Variants in KEAP1 observed in about 807,000 individuals in gnomAD.
KEAP1 encodes the protein kelch like ECH associated protein 1.
Under a neutral mutation model 59.7 loss-of-function variants are expected in KEAP1, and 26 were observed. That is an observed-to-expected ratio of 0.44 (90% confidence interval 0.32 to 0.60). KEAP1 has a LOEUF of 0.60. Ranked by LOEUF, KEAP1 falls within the 20% of genes least tolerant of loss-of-function variation. The pLI is 0.06. For missense variants in KEAP1, 539 were observed against 871.4 expected, an observed-to-expected ratio of 0.62 and a Z score of 4.80; for synonymous variants, 350 against 358.3, an observed-to-expected ratio of 0.98 and a Z score of 0.26.
intron 5 of KEAP1, among the ~76,000 whole-genome samples, chr19:10,487,986 G>A (rs976841516): frequency 6.6e-6 from 1 of 152,064 alleles, no homozygotes; most frequent in East Asian, 1.9e-4. Context: ...AAATTAGCCG[G>A]GCGTGGTGGC....
chr19:10,491,709 G>A lies in KEAP1; in HGVS notation c.1193C>T (p.Pro398Leu). ...TDSSALDCYNPMTNQWSPCAP... is the reference protein window; with the variant it reads ...TDSSALDCYNLMTNQWSPCAP... ...GCAGGGCGACCACTGATTGGTCATG[G>A]GGTTGTAACAGTCCAGGGCGCTGGA... The change falls in exon 3 of 6, where the codon CCC becomes CTC. Residue 398 changes from proline to leucine, a missense_variant. Pro to Leu is a moderately conservative substitution (Grantham distance 98). Coordinates refer to ENST00000171111, the MANE Select transcript of KEAP1 (RefSeq NM_203500.2). This position sits in a 1 kb window ranked among gnomAD's most constrained non-coding sequence, Gnocchi z 5.2. 1 of 1,570,480 alleles carries A rather than the reference G, an allele frequency of 6.4e-7. No individual in the cohort carries two copies. The highest frequency in any genetic ancestry group is 8.6e-7 in the Non-Finnish European group (1 of 1,158,502).
intron 3 of KEAP1, 92 bp from the exon 4 acceptor site, chr19:10,489,945 T>C: frequency 9.5e-6 from 12 of 1,267,562 alleles, no homozygotes; most frequent in Non-Finnish European, 1.2e-5. Flanking sequence ...TTTCCTTTTT[T>C]TTTTCCCCCT....
rs2144629104 is a variant in KEAP1 at position 10,499,824 on chromosome 19, C to T, written c.210G>A (p.Leu70=). ...TKQAFGIMNE[L]RLSQQLCDVT... ...CGTCACACAGCTGCTGGCTGAGCCGCAGCTCGTTCATGATGCCAAAGGCCT... is the reference window on the plus strand; with the variant it reads ...CGTCACACAGCTGCTGGCTGAGCCGTAGCTCGTTCATGATGCCAAAGGCCT... The change falls in exon 2 of 6, where the codon CTG becomes CTA. Residue 70 remains leucine, a synonymous_variant. Coordinates refer to ENST00000171111, the MANE Select transcript of KEAP1 (RefSeq NM_203500.2). This position sits in a 1 kb window ranked among gnomAD's most constrained non-coding sequence, Gnocchi z 6.7. 6.2e-7 allele frequency: 1 copy of T among 1,614,034 alleles called. No homozygotes were observed. The highest frequency in any genetic ancestry group is 8.5e-7 in the Non-Finnish European group (1 of 1,180,028).
chr19:10,495,581 C>T (rs1914823236), intron 2 of KEAP1, among the ~76,000 whole-genome samples: 1 of 151,938 alleles, frequency 6.6e-6, no homozygotes, highest in South Asian at 2.1e-4. Context: ...ACCTGTAATC[C>T]CAGTTACTGA....
In KEAP1 at chr19:10,493,836, C is replaced by G. The variant is rs141749460; in HGVS notation, c.640-1574G>C. 4.8e-3 allele frequency among the ~76,000 whole-genome samples: 727 copies of G among 152,158 alleles called. 10 individuals carry two copies. Among genetic ancestry groups the G allele is most frequent in the East Asian group, 0.022 (113 of 5,178 alleles). ...TCGGCCTCCCAAAGTGCTGGGATTA[C>G]AAGCGTGAGCCACCTCGCCTGGCCA... is the stretch of plus-strand genomic sequence containing the variant. On this transcript the variant is annotated intron_variant, in intron 2 of 5. Coordinates refer to ENST00000171111, the MANE Select transcript of KEAP1 (RefSeq NM_203500.2).
chr19:10,501,495 C>A (rs1473247073), intron 1 of KEAP1, among the ~76,000 whole-genome samples: 1 of 149,708 alleles, frequency 6.7e-6, no homozygotes, highest in African/African-American at 2.4e-5. Flanking sequence ...CCGGGTGTGG[C>A]GGCGGGCGCC....
intron 2 of KEAP1, among the ~76,000 whole-genome samples, chr19:10,497,834 C>T (rs1242435745): frequency 6.6e-6 from 1 of 152,154 alleles, no homozygotes; most frequent in Non-Finnish European, 1.5e-5. Flanking sequence ...TTGGAGGCTA[C>T]AGTGAGCTAT....
chr19:10,489,027 T>G lies in KEAP1; in HGVS notation c.1708+165A>C, dbSNP rs532692042. On this transcript the variant is annotated intron_variant, in intron 5 of 5. Transcript: ENST00000171111. ...GGAGGATGGCTGGAGCCCAGGCTGT[T>G]GAGGCTCCAGCGAGCTGTGATCACA... Among the ~76,000 whole-genome samples, 9 of 143,128 alleles carry G rather than the reference T, an allele frequency of 6.3e-5. 1 individual carries two copies. Among genetic ancestry groups the G allele is most frequent in the African/African-American group, 2.3e-4 (9 of 38,624 alleles). The allele number at this position is 143,128 out of a possible 152,430, so 93.9% of individuals were successfully genotyped here. A position where few individuals can be genotyped will look rare whatever the true frequency, so the allele number is the denominator to read the frequency against.
intron 5 of KEAP1, 102 bp downstream of exon 5, chr19:10,489,090 T>C: frequency 2.1e-6 from 2 of 973,018 alleles, no homozygotes; most frequent in East Asian, 2.7e-5. Flanking sequence ...CGAGACCTTG[T>C]TTCTAAAAAA....
At chr19:10,501,577 C>G (rs892749934) in intron 1 of KEAP1, among the ~76,000 whole-genome samples, 1 of 152,042 alleles carries the variant, frequency 6.6e-6, no homozygotes, top group Non-Finnish European at 1.5e-5. Flanking sequence ...TTGCAGTGAG[C>G]CGAGATCGCA....
Position 10,491,820 on chromosome 19 carries a change from G to C in KEAP1, c.1082C>G (p.Pro361Arg), listed in dbSNP as rs750532889. The part of the protein sequence containing the change: ...TWLRLADLQV[P>R]RSGLAGCVVG... The stretch of plus-strand genomic sequence containing the variant: ...CACGCAGCCGGCCAGGCCGCTCCGC[G>C]GCACCTGCAGGTCCGCCAACCGGAG... The change falls in exon 3 of 6, where the codon CCG (proline) becomes CGG (arginine). Residue 361 changes from proline (P) to arginine (R), a missense_variant. Pro to Arg is a moderately radical substitution (Grantham distance 103). This residue lies in a region of KEAP1 where 311 missense variants were observed against 425.2 expected (regional missense o/e 0.73). Coordinates refer to ENST00000171111, the MANE Select transcript of KEAP1 (RefSeq NM_203500.2). This position sits in a 1 kb window ranked among gnomAD's most constrained non-coding sequence, Gnocchi z 5.2. 1.9e-6 allele frequency: 3 copies of C among 1,602,112 alleles called. No individual in the cohort carries two copies. The highest frequency in any genetic ancestry group is 1.1e-5 in the South Asian group (1 of 89,842).
Position 10,502,874 on chromosome 19 carries a change from G to A in KEAP1, c.-48+367C>T, listed in dbSNP as rs760403147. 6.6e-6 allele frequency: 1 copy of A among 152,108 alleles called. No homozygotes were observed. The highest frequency in any genetic ancestry group is 2.4e-5 in the African/African-American group (1 of 41,426). 9.4% of individuals were successfully genotyped at this position (152,108 alleles called of 1,614,324 possible). On this transcript the variant is annotated intron_variant, in intron 1 of 5. Coordinates refer to ENST00000171111, the MANE Select transcript of KEAP1 (RefSeq NM_203500.2). The surrounding 1 kb of genome is among the most constrained non-coding windows in gnomAD (Gnocchi z 4.0). ...CCTCAGGCGGTAGGGACCGCTGAGGGGCCGCTCCCCACCCCCGCCCACGCC... is the reference window on the plus strand; with the variant it reads ...CCTCAGGCGGTAGGGACCGCTGAGGAGCCGCTCCCCACCCCCGCCCACGCC...
intron 1 of KEAP1, among the ~76,000 whole-genome samples, chr19:10,500,773 G>T (rs945135727): frequency 2.0e-5 from 3 of 149,072 alleles, no homozygotes; most frequent in Non-Finnish European, 3.0e-5. Flanking sequence ...TCCGCCTCCC[G>T]GGTTCAAGCG....
intron 5 of KEAP1, 139 bp from the exon 6 acceptor site, chr19:10,486,957 A>T: frequency 1.4e-6 from 1 of 736,916 alleles, no homozygotes; most frequent in Non-Finnish European, 2.0e-6. Context: ...AGCACTTTGC[A>T]GGGCTGAGGC....
chr19:10,500,877 G>A (rs145044075), intron 1 of KEAP1, among the ~76,000 whole-genome samples: 1 of 151,920 alleles, frequency 6.6e-6, no homozygotes, highest in Non-Finnish European at 1.5e-5. Context: ...ACTGGGTTTC[G>A]CCATGTTGGC....
At position 10,499,620 on chromosome 19, in the gene KEAP1, T is replaced by C; in HGVS notation, c.414A>G (p.Glu138=). 1 of 1,613,998 alleles carries C rather than the reference T, an allele frequency of 6.2e-7. No individual in the cohort carries two copies. Among genetic ancestry groups the C allele is most frequent in the Non-Finnish European group, 8.5e-7 (1 of 1,180,026 alleles). ...TGGAGATGGAGGCCGTGTAGGCGAA[T>C]TCAATGAGGCGCTCCATGACCTTGG... ...IHPKVMERLI[E]FAYTASISMG... is the part of the protein sequence containing the mutation. Residue 138 remains glutamate (E), a synonymous_variant, in exon 2 of 6, where the codon GAA becomes GAG. Transcript: ENST00000171111. The surrounding 1 kb of genome is among the most constrained non-coding windows in gnomAD (Gnocchi z 6.7).
At chr19:10,498,686 C>G (rs1485932281) in intron 2 of KEAP1, among the ~76,000 whole-genome samples, 1 of 152,114 alleles carries the variant, frequency 6.6e-6, no homozygotes, top group Admixed American at 6.6e-5. Context: ...CTGGGCTACC[C>G]TAGGATTTGG....
In KEAP1 at chr19:10,501,099, G is replaced by A. The variant is rs74626608; in HGVS notation, c.-47-1019C>T. Reference sequence around the variant, plus strand: ...GCTGGGGAGTAGTTTTCCAGGCAGAGGAAACAGTAAGTGCAGTGGCTCAGA... The same window carrying A: ...GCTGGGGAGTAGTTTTCCAGGCAGAAGAAACAGTAAGTGCAGTGGCTCAGA... On this transcript the variant is annotated intron_variant, in intron 1 of 5. Transcript: ENST00000171111. Among the ~76,000 whole-genome samples, 291 of 152,270 alleles carry A rather than the reference G, an allele frequency of 1.9e-3. 2 individuals are homozygous for A. Among genetic ancestry groups the A allele is most frequent in the Non-Finnish European group, 3.3e-3 (227 of 68,028 alleles).
chr19:10,498,316 C>T (rs1914926614), intron 2 of KEAP1, among the ~76,000 whole-genome samples: 1 of 151,426 alleles, frequency 6.6e-6, no homozygotes, highest in African/African-American at 2.4e-5. Flanking sequence ...TCTCCTGTCT[C>T]AGCCTCTCGA....
Sources: allele counts gnomAD v4.1 joint callset (sites outside exome capture counted in the v4.1 genomes callset), GRCh38; gene constraint gnomAD v4.1.1; regional missense constraint gnomAD v4.1.1; non-coding constraint Gnocchi (gnomAD v3.1); transcripts MANE v1.5; gene names NCBI Gene and HGNC (gene_info 2026-07-23, HGNC 2026-07-21).